ADAM29: variants seen among roughly 807,000 people sequenced by gnomAD.
The protein encoded by ADAM29 is disintegrin and metalloproteinase domain-containing protein 29.
For missense variants in ADAM29, 969 were observed against 1,001.8 expected (o/e 0.97, Z 0.44); for synonymous variants, 367 against 342.3 (o/e 1.07, Z -0.80).
In ADAM29 at chr4:174,976,162, CG is replaced by C. The variant is rs775981865; in HGVS notation, c.638del (p.Arg213LeufsTer19). 4 of 1,612,646 alleles carry C rather than the reference CG, an allele frequency of 2.5e-6. No individual in the cohort carries two copies. The Admixed American group carries it at 6.7e-5, about 27-fold the overall frequency. Reference protein sequence around the residue: ...VVVIDNYLYIRYERNDSKLLE... With the variant: ...VVVIDNYLYIXYERNDSKLLE... The stretch of plus-strand genomic sequence containing the variant: ...CGTCATTGATAATTATCTGTACATT[CG>C]TTATGAAAGGAACGACTCAAAGTTG... On this transcript the variant is annotated frameshift_variant, in exon 5 of 5. Coordinates refer to ENST00000359240, the MANE Select transcript of ADAM29 (RefSeq NM_014269.4). LOFTEE classifies it low-confidence loss of function (END_TRUNC).
At chr4:174,953,029 G>A (rs1364557504) in intron 4 of ADAM29, among the ~76,000 whole-genome samples, 1 of 152,208 alleles carries the variant, frequency 6.6e-6, no homozygotes, top group Non-Finnish European at 1.5e-5. Context: ...GCTCACGCCT[G>A]TAATCCTAGC....
Position 174,977,204 on chromosome 4 carries a change from CAG to C in ADAM29, c.1681_1682del (p.Glu561AsnfsTer6). On this transcript the variant is annotated frameshift_variant, in exon 5 of 5. Transcript: ENST00000359240. LOFTEE classifies it low-confidence loss of function (END_TRUNC). ...GGAAGAATTCAGTGTGAGAATGTGA[CAG>C]AAATTCCCAATATGAGTGATCATAC... 1.2e-6 allele frequency: 2 copies of C among 1,614,032 alleles called. No homozygotes were observed. The highest frequency in any genetic ancestry group is 1.7e-6 in the Non-Finnish European group (2 of 1,180,032).
At chr4:174,973,230 G>A (rs866545042) in intron 4 of ADAM29, among the ~76,000 whole-genome samples, 13 of 152,288 alleles carry the variant, frequency 8.5e-5, no homozygotes, top group Admixed American at 4.6e-4. Context: ...ACTGACAGAC[G>A]TAATTCGTGT....
At chr4:174,948,472 G>T (rs114299185) in intron 4 of ADAM29, among the ~76,000 whole-genome samples, 3,485 of 152,188 alleles carry the variant, frequency 0.023, 71 homozygotes, top group Non-Finnish European at 0.035. Context: ...CTCTAACTCT[G>T]ATCAGCTGGT....
chr4:174,977,121 T>C lies in ADAM29; in HGVS notation c.1596T>C (p.Gly532=), dbSNP rs1232703656. 2 of 1,613,938 alleles carry C rather than the reference T, an allele frequency of 1.2e-6. No individual in the cohort carries two copies. The highest frequency in any genetic ancestry group is 1.7e-6 in the Non-Finnish European group (2 of 1,179,984). Residue 532 remains glycine (G), a synonymous_variant, in exon 5 of 5, where the codon GGT becomes GGC. Coordinates refer to ENST00000359240, the MANE Select transcript of ADAM29 (RefSeq NM_014269.4). The stretch of plus-strand genomic sequence containing the variant: ...TGAACACCTTAGGTGACCGTGTTGG[T>C]CACTGTGGTATCAAAAATGCTACAT... ...KELNTLGDRV[G]HCGIKNATYI...
At chr4:174,970,104 A>G (rs1746388939) in intron 4 of ADAM29, among the ~76,000 whole-genome samples, 1 of 152,146 alleles carries the variant, frequency 6.6e-6, no homozygotes, top group African/African-American at 2.4e-5. Context: ...CTGGAAGAAA[A>G]ATTCACAGAA....
rs1254043953 is a variant in ADAM29 at position 174,918,416 on chromosome 4, C to T, written c.-612C>T. The T allele has an allele frequency of 1.3e-5, 2 of 152,130 alleles. No homozygotes were observed. 9.4% of individuals were successfully genotyped at this position (152,130 alleles called of 1,614,324 possible). On this transcript the variant is annotated 5_prime_UTR_variant, in exon 1 of 5. Transcript: ENST00000359240. ...GTGAGTATCTCCTATAAAATAAAAG[C>T]TCTCCTGATGGCCTGTTCCTGCACA...
At chr4:174,926,109 A>G (rs1301976826) in intron 2 of ADAM29, among the ~76,000 whole-genome samples, 1 of 152,236 alleles carries the variant, frequency 6.6e-6, no homozygotes, top group Non-Finnish European at 1.5e-5. Context: ...AGATTGTAAA[A>G]TAATCATAAT....
At chr4:174,950,307 C>T (rs1486010262) in intron 4 of ADAM29, among the ~76,000 whole-genome samples, 1 of 152,082 alleles carries the variant, frequency 6.6e-6, no homozygotes, top group Non-Finnish European at 1.5e-5. Context: ...TATGATAAAC[C>T]CATAGGACTT....
At chr4:174,923,519 T>TGA (rs546026641) in intron 2 of ADAM29, among the ~76,000 whole-genome samples, 6,002 of 36,154 alleles carry the variant, frequency 0.17, 746 homozygotes, top group African/African-American at 0.34. Context: ...ATACTGTGCA[T>TGA]TATATGTATA....
chr4:174,976,716 G>GA lies in ADAM29; in HGVS notation c.1193dup (p.Arg399AlafsTer8). On this transcript the variant is annotated frameshift_variant, in exon 5 of 5. Coordinates refer to ENST00000359240, the MANE Select transcript of ADAM29 (RefSeq NM_014269.4). LOFTEE classifies it low-confidence loss of function (END_TRUNC). Reference sequence around the variant, plus strand: ...TACACACAAAGGACATCTTTAATGTGAAGCGCTGTGGGAATGGTGTTGTTG... The same window carrying GA: ...TACACACAAAGGACATCTTTAATGTGAAAGCGCTGTGGGAATGGTGTTGTTG... The GA allele has an allele frequency of 1.2e-6, 2 of 1,613,940 alleles. No individual in the cohort carries two copies. The highest frequency in any genetic ancestry group is 1.7e-6 in the Non-Finnish European group (2 of 1,179,882).
Position 174,971,042 on chromosome 4 carries a change from C to T in ADAM29, c.-180-4304C>T, listed in dbSNP as rs555826088. ...TTTATTTTATTGTTGCTGCAATTTA[C>T]ATCCATTCATATTGTGTCTCTTTTA... On this transcript the variant is annotated intron_variant, in intron 4 of 4. Transcript: ENST00000359240. Among the ~76,000 whole-genome samples, 11 of 152,254 alleles carry T rather than the reference C, an allele frequency of 7.2e-5. No homozygotes were observed. In the East Asian group the frequency reaches 2.1e-3, roughly 29 times the overall value.
At chr4:174,936,528 C>T (rs1381604167) in intron 3 of ADAM29, among the ~76,000 whole-genome samples, 2 of 152,000 alleles carry the variant, frequency 1.3e-5, no homozygotes, top group South Asian at 4.1e-4. Context: ...GCCCTGGCAA[C>T]TCATTATAAC....
chr4:174,959,485 T>TGTGTGTG (rs1560883454), intron 4 of ADAM29, among the ~76,000 whole-genome samples: 2 of 126,686 alleles, frequency 1.6e-5, no homozygotes, highest in African/African-American at 6.0e-5. Flanking sequence ...GTGTGTGTGT[T>TGTGTGTG]TGTGTGTTTG....
intron 1 of ADAM29, 134 bp downstream of exon 1, chr4:174,918,605 A>G (rs2110876732): frequency 6.6e-6 from 1 of 152,266 alleles, no homozygotes; most frequent in Admixed American, 6.5e-5. Flanking sequence ...GTTTCAGACT[A>G]AACCCTCCAA....
chr4:174,936,277 G>C (rs980411455), intron 3 of ADAM29, among the ~76,000 whole-genome samples: 9 of 151,906 alleles, frequency 5.9e-5, no homozygotes, highest in Non-Finnish European at 8.8e-5. Flanking sequence ...AGAAGTTTTT[G>C]AGCAGTTTTC....
At chr4:174,961,707 A>C (rs1027603792) in intron 4 of ADAM29, among the ~76,000 whole-genome samples, 2 of 152,162 alleles carry the variant, frequency 1.3e-5, no homozygotes, top group African/African-American at 4.8e-5. Flanking sequence ...TTAGAAAAAC[A>C]TTTTTTATCA....
intron 4 of ADAM29, among the ~76,000 whole-genome samples, chr4:174,943,989 T>C (rs936474657): frequency 6.6e-5 from 10 of 152,026 alleles, no homozygotes; most frequent in African/African-American, 2.4e-4. Context: ...CTTTTACTTA[T>C]ACTGAAAGGT....
rs1743819907 is a variant in ADAM29 at position 174,930,831 on chromosome 4, T to C, written c.-450-155T>C. Among the ~76,000 whole-genome samples the C allele has an allele frequency of 2.0e-5, 3 of 152,314 alleles. 1 individual carries two copies. Among genetic ancestry groups the C allele is most frequent in the African/African-American group, 7.2e-5 (3 of 41,566 alleles). The stretch of plus-strand genomic sequence containing the variant: ...TATGCATTTAAATTTCTCTTGATTG[T>C]TTTTCCATGTACTTCAGAAAGCTGT... On this transcript the variant is annotated intron_variant, in intron 2 of 4. Coordinates refer to ENST00000359240, the MANE Select transcript of ADAM29 (RefSeq NM_014269.4).
Sources: allele counts gnomAD v4.1 joint callset (sites outside exome capture counted in the v4.1 genomes callset), GRCh38; gene constraint gnomAD v4.1.1; transcripts MANE v1.5; gene names NCBI Gene and HGNC (gene_info 2026-07-23, HGNC 2026-07-21).